BEND5: variants seen among roughly 807,000 people sequenced by gnomAD.
BEND5 encodes the protein BEN domain-containing protein 5.
Under a neutral mutation model 43.9 loss-of-function variants are expected in BEND5, and 22 were observed. That is an observed-to-expected ratio of 0.50 (90% CI 0.36 to 0.72). BEND5 has a LOEUF of 0.72. Ranked by LOEUF, BEND5 falls within the 30% of genes least tolerant of loss-of-function variation. The pLI, the probability that BEND5 is intolerant of heterozygous loss-of-function variation, is 0.00. For missense variants in BEND5, 428 were observed against 550.6 expected (o/e 0.78, Z 2.23); for synonymous variants, 228 against 225.9 (o/e 1.01, Z -0.08).
chr1:48,749,466 A>G (rs1033356999), intron 3 of BEND5, among the ~76,000 whole-genome samples: 4 of 152,214 alleles, frequency 2.6e-5, no homozygotes, highest in African/African-American at 4.8e-5. Flanking sequence ...AGAGTAGTAA[A>G]GTAACTTGCC....
At chr1:48,747,180 C>T (rs1422091272) in intron 3 of BEND5, among the ~76,000 whole-genome samples, 2 of 152,182 alleles carry the variant, frequency 1.3e-5, no homozygotes, top group Admixed American at 6.5e-5. Flanking sequence ...CAGCATTGTA[C>T]AATCTGGCGC....
intron 1 of BEND5, among the ~76,000 whole-genome samples, chr1:48,773,143 C>CA (rs1303991228): frequency 6.6e-6 from 1 of 152,036 alleles, no homozygotes; most frequent in African/African-American, 2.4e-5. Context: ...ACATCTGAAA[C>CA]AAAAAAATTC....
intron 1 of BEND5, among the ~76,000 whole-genome samples, chr1:48,762,612 TTTTGTG>T (rs151278456): frequency 0.21 from 26,301 of 127,810 alleles, 2,662 homozygotes; most frequent in East Asian, 0.34. Context: ...TCTTTAAGGG[TTTTGTG>T]TGTGTGTGTG....
At chr1:48,763,949 A>T (rs968034599) in intron 1 of BEND5, among the ~76,000 whole-genome samples, 1 of 152,226 alleles carries the variant, frequency 6.6e-6, no homozygotes, top group Non-Finnish European at 1.5e-5. Flanking sequence ...ACATGAATGT[A>T]GGAGAACTCT....
intron 5 of BEND5, among the ~76,000 whole-genome samples, chr1:48,730,999 T>C (rs914561726): frequency 2.0e-5 from 3 of 152,172 alleles, no homozygotes; most frequent in Non-Finnish European, 4.4e-5. Context: ...CCCATCCCTC[T>C]GCTATCGGGT....
chr1:48,756,483 C>T (rs1225961321), intron 3 of BEND5, among the ~76,000 whole-genome samples: 1 of 152,160 alleles, frequency 6.6e-6, no homozygotes, highest in Non-Finnish European at 1.5e-5. Flanking sequence ...TTACACTAGG[C>T]TAGGTCCCTG....
intron 5 of BEND5, among the ~76,000 whole-genome samples, chr1:48,729,001 G>C (rs1027614133): frequency 6.6e-6 from 1 of 152,170 alleles, no homozygotes; most frequent in Non-Finnish European, 1.5e-5. Context: ...CTCCAGACAA[G>C]GTCTGGCTGG....
chr1:48,769,781 G>A (rs1644720031), intron 1 of BEND5, among the ~76,000 whole-genome samples: 2 of 152,128 alleles, frequency 1.3e-5, no homozygotes, highest in African/African-American at 4.8e-5. Flanking sequence ...TAACACAGTG[G>A]GCAATTACTA....
At chr1:48,759,450 G>A (rs1484268094) in intron 2 of BEND5, 166 bp from the exon 3 acceptor site, 7 of 1,266,796 alleles carry the variant, frequency 5.5e-6, no homozygotes, top group Non-Finnish European at 7.3e-6. Context: ...TATAAATGGG[G>A]AAACATTTTA....
At chr1:48,742,560 T>C in intron 4 of BEND5, 63 bp downstream of exon 4, 1 of 1,380,712 alleles carries the variant, frequency 7.2e-7, no homozygotes, top group East Asian at 2.7e-5. Flanking sequence ...CCCACCATAC[T>C]CTCCACCTTT....
intron 5 of BEND5, among the ~76,000 whole-genome samples, chr1:48,732,576 CCTCTCTCAGTGA>C (rs903800843): frequency 3.3e-5 from 5 of 152,184 alleles, no homozygotes; most frequent in Admixed American, 2.0e-4. Context: ...GCTGGGGAGG[CCTCTCTCAGTGA>C]CAGGGAGGGA....
intron 1 of BEND5, among the ~76,000 whole-genome samples, chr1:48,771,068 G>C (rs909288225): frequency 1.3e-5 from 2 of 152,184 alleles, no homozygotes; most frequent in African/African-American, 4.8e-5. Flanking sequence ...AACCAGGTGA[G>C]TATTTATAAC....
In BEND5 at chr1:48,764,891, G is replaced by A. The variant is rs141749361; in HGVS notation, c.227-3421C>T. 6.0e-3 allele frequency among the ~76,000 whole-genome samples: 910 copies of A among 152,292 alleles called. 6 individuals are homozygous for A. The highest frequency in any genetic ancestry group is 0.01 in the Non-Finnish European group (690 of 68,020). On this transcript the variant is annotated intron_variant, in intron 1 of 5. Coordinates refer to ENST00000371833, the MANE Select transcript of BEND5 (RefSeq NM_024603.4). ...CTGCCTGCTGGCTTCTGCTGGCTTGGGGCTTGGGGCAGGCTTGCTTCTGGA... is the reference window on the plus strand; with the variant it reads ...CTGCCTGCTGGCTTCTGCTGGCTTGAGGCTTGGGGCAGGCTTGCTTCTGGA...
At chr1:48,745,871 C>T (rs1650658449) in intron 3 of BEND5, among the ~76,000 whole-genome samples, 2 of 152,094 alleles carry the variant, frequency 1.3e-5, no homozygotes, top group Non-Finnish European at 2.9e-5. Flanking sequence ...TCTGCCCCTA[C>T]TCTACCATAA....
At chr1:48,732,828 G>C (rs1648362340) in intron 5 of BEND5, among the ~76,000 whole-genome samples, 1 of 152,186 alleles carries the variant, frequency 6.6e-6, no homozygotes, top group Non-Finnish European at 1.5e-5. Context: ...GGAGTGCTTG[G>C]TAGGATCAGC....
intron 3 of BEND5, among the ~76,000 whole-genome samples, chr1:48,749,478 G>A (rs989912078): frequency 1.3e-5 from 2 of 152,190 alleles, no homozygotes; most frequent in African/African-American, 4.8e-5. Context: ...TAACTTGCCA[G>A]AAGTCACATA....
intron 3 of BEND5, among the ~76,000 whole-genome samples, chr1:48,746,314 A>G (rs1431864601): frequency 6.6e-6 from 1 of 152,144 alleles, no homozygotes; most frequent in Admixed American, 6.5e-5. Context: ...TCTCTACTAA[A>G]GCATAGGTTC....
intron 5 of BEND5, among the ~76,000 whole-genome samples, chr1:48,731,082 T>C (rs1349055035): frequency 6.6e-6 from 1 of 152,156 alleles, no homozygotes; most frequent in Non-Finnish European, 1.5e-5. Flanking sequence ...GGCTTTTCTA[T>C]TTTTTTATAT....
intron 1 of BEND5, among the ~76,000 whole-genome samples, chr1:48,771,693 A>G (rs1644842015): frequency 6.6e-6 from 1 of 152,266 alleles, no homozygotes; most frequent in African/African-American, 2.4e-5. Context: ...GACACGCAAC[A>G]ATCTTTGCAT....
Sources: allele counts gnomAD v4.1 joint callset (sites outside exome capture counted in the v4.1 genomes callset), GRCh38; gene constraint gnomAD v4.1.1; transcripts MANE v1.5; gene names NCBI Gene and HGNC (gene_info 2026-07-23, HGNC 2026-07-21).